KMT2E: variants seen among roughly 807,000 people sequenced by gnomAD.
KMT2E encodes lysine methyltransferase 2E (inactive).
In KMT2E, 30 loss-of-function variants were observed where a neutral mutation model predicts 184.6. The observed-to-expected ratio is 0.16, with a 90% confidence interval of 0.12 to 0.22. The LOEUF is 0.22. KMT2E is among the 10% of genes least tolerant of loss of function. The pLI is 1.00. For missense variants in KMT2E, 2,023 were observed against 2,237.4 expected, an observed-to-expected ratio of 0.90 and a Z score of 1.93; for synonymous variants, 815 against 776.5, an observed-to-expected ratio of 1.05 and a Z score of -0.82.
At chr7:105,087,095 T>C (rs1304808987) in intron 13 of KMT2E, among the ~76,000 whole-genome samples, 1 of 147,376 alleles carries the variant, frequency 6.8e-6, no homozygotes, top group Non-Finnish European at 1.5e-5. Flanking sequence ...GCGTATGTAA[T>C]ATACATTATA....
intron 1 of KMT2E, among the ~76,000 whole-genome samples, chr7:105,029,160 G>A (rs1033032765): frequency 6.6e-6 from 1 of 152,036 alleles, no homozygotes; most frequent in African/African-American, 2.4e-5. Context: ...CTACGTGGGA[G>A]GCTGAGTCAG....
chr7:105,083,589 ATAGAT>A (rs1394075700), intron 13 of KMT2E, among the ~76,000 whole-genome samples: 11 of 152,232 alleles, frequency 7.2e-5, no homozygotes, highest in African/African-American at 2.7e-4. Flanking sequence ...TAGCAGCTTT[ATAGAT>A]AAGGGCAGTC....
intron 4 of KMT2E, 151 bp downstream of exon 4, chr7:105,062,429 T>G: frequency 1.9e-6 from 1 of 530,048 alleles, no homozygotes; most frequent in Non-Finnish European, 3.3e-6. Context: ...CATTAACCAT[T>G]AAGCGATTAA....
rs1285023587 is a variant in KMT2E, at chr7:105,114,827, T to TAATC, written c.*1496_*1499dup. On this transcript the variant is annotated 3_prime_UTR_variant, in exon 27 of 27. Coordinates refer to ENST00000311117, the MANE Select transcript of KMT2E (RefSeq NM_182931.3). ...ACGCAGCTCACTTAGGGCTCAATCC[T>TAATC]AATCACAGCTTCAAATTTTAGAAGA... Among the ~76,000 whole-genome samples the TAATC allele has an allele frequency of 5.3e-5, 8 of 152,232 alleles. No homozygotes were observed. The highest frequency in any genetic ancestry group is 2.1e-4 in the South Asian group (1 of 4,834).
Position 105,105,840 on chromosome 7 carries a change from T to C in KMT2E, c.2452-19T>C. 6.2e-7 allele frequency: 1 copy of C among 1,602,616 alleles called. No individual in the cohort carries two copies. The highest frequency in any genetic ancestry group is 8.5e-7 in the Non-Finnish European group (1 of 1,175,920). On this transcript the variant is annotated intron_variant, in intron 18 of 26. Coordinates refer to ENST00000311117, the MANE Select transcript of KMT2E (RefSeq NM_182931.3). ...CTACAAAGTGATTCCTGTTCATTCA[T>C]GTATTCTGTTTTATTCAGCGATGGT... is the stretch of plus-strand genomic sequence containing the variant.
At position 105,110,555 on chromosome 7, in the gene KMT2E, A is replaced by AG. The variant is rs1385756185; in HGVS notation, c.3924dup (p.Leu1309ValfsTer4). On this transcript the variant is annotated frameshift_variant, in exon 25 of 27. Transcript: ENST00000311117. LOFTEE classifies it high-confidence loss of function. ...TCATCTCATTCAAATCACATACCCC[A>AG]GTTGCAAGCTAAGGGCCCAGTCCCT... 6.2e-7 allele frequency: 1 copy of AG among 1,614,030 alleles called. No individual in the cohort carries two copies. The highest frequency in any genetic ancestry group is 8.5e-7 in the Non-Finnish European group (1 of 1,180,004).
At chr7:105,072,179 G>A (rs1797348815) in intron 6 of KMT2E, among the ~76,000 whole-genome samples, 1 of 152,102 alleles carries the variant, frequency 6.6e-6, no homozygotes, top group African/African-American at 2.4e-5. Flanking sequence ...TTAGCCAGGT[G>A]TGGTGGCGGG....
chr7:105,021,535 A>G (rs1794952123), intron 1 of KMT2E, among the ~76,000 whole-genome samples: 1 of 152,196 alleles, frequency 6.6e-6, no homozygotes, highest in African/African-American at 2.4e-5. Context: ...CTATAGGGAA[A>G]TCTCACATAA....
intron 15 of KMT2E, among the ~76,000 whole-genome samples, chr7:105,098,095 C>G (rs1798493001): frequency 6.6e-6 from 1 of 152,112 alleles, no homozygotes; most frequent in South Asian, 2.1e-4. Flanking sequence ...TCTTACCCAT[C>G]TTTTTAGATT....
intron 1 of KMT2E, among the ~76,000 whole-genome samples, chr7:105,022,381 T>C (rs1452857662): frequency 6.6e-6 from 1 of 152,116 alleles, no homozygotes; most frequent in African/African-American, 2.4e-5. Context: ...TGCTCCTCAG[T>C]TTGGCTTGGT....
At chr7:105,110,676 T>C (rs1170044914) in intron 25 of KMT2E, 74 bp downstream of exon 25, 21 of 1,599,070 alleles carry the variant, frequency 1.3e-5, no homozygotes, top group Non-Finnish European at 1.8e-5. Flanking sequence ...TTATAAAAAG[T>C]TGGTTTGGAT....
In KMT2E at chr7:105,113,416, G is replaced by C; in HGVS notation, c.*83G>C. 1 of 1,381,822 alleles carries C rather than the reference G, an allele frequency of 7.2e-7. No individual in the cohort carries two copies. Among genetic ancestry groups the C allele is most frequent in the Non-Finnish European group, 9.7e-7 (1 of 1,035,858 alleles). 85.6% of individuals were successfully genotyped at this position (1,381,822 alleles called of 1,614,324 possible). A position where few individuals can be genotyped will look rare whatever the true frequency, so the allele number is the denominator to read the frequency against. ...TGTACCTGTTAAGGTACTTTTTAAAGCTTGTACATGAACCTTTGTATAAAA... is the reference window on the plus strand; with the variant it reads ...TGTACCTGTTAAGGTACTTTTTAAACCTTGTACATGAACCTTTGTATAAAA... On this transcript the variant is annotated 3_prime_UTR_variant, in exon 27 of 27. Transcript: ENST00000311117.
At chr7:105,076,630 C>A (rs1221798306) in intron 9 of KMT2E, among the ~76,000 whole-genome samples, 1 of 152,088 alleles carries the variant, frequency 6.6e-6, no homozygotes, top group African/African-American at 2.4e-5. Context: ...TCTGTCTGAC[C>A]CCAAAACATA....
chr7:105,039,985 T>C (rs1452891226), intron 2 of KMT2E, among the ~76,000 whole-genome samples: 9 of 150,926 alleles, frequency 6.0e-5, no homozygotes, highest in African/African-American at 2.2e-4. Flanking sequence ...TTAGTTGCTA[T>C]TGTAAATTTG....
At chr7:105,103,605 C>A (rs1256848672) in intron 17 of KMT2E, 2 of 152,076 alleles carry the variant, frequency 1.3e-5, no homozygotes, top group East Asian at 1.9e-4. Context: ...ACCCTCCTGG[C>A]AGTCTGGCTC....
chr7:105,101,396 T>G (rs1798651335), intron 15 of KMT2E, 29 bp from the exon 16 acceptor site: 1 of 1,456,352 alleles, frequency 6.9e-7, no homozygotes, highest in Non-Finnish European at 9.1e-7. Flanking sequence ...TTGATATTTA[T>G]GATGTCACTT....
intron 1 of KMT2E, among the ~76,000 whole-genome samples, chr7:105,014,972 C>T (rs1794650769): frequency 2.6e-5 from 4 of 152,154 alleles, no homozygotes; most frequent in African/African-American, 9.7e-5. Flanking sequence ...GCCCCATTTT[C>T]TTCTTCCATT....
chr7:105,114,526 G>A lies in KMT2E; in HGVS notation c.*1193G>A, dbSNP rs573748392. On this transcript the variant is annotated 3_prime_UTR_variant, in exon 27 of 27. Coordinates refer to ENST00000311117, the MANE Select transcript of KMT2E (RefSeq NM_182931.3). The stretch of plus-strand genomic sequence containing the variant: ...TTGCTAAAATATAAAATGCTAGTTA[G>A]TTATTAATTATTAATCTTCAAAAAA... Among the ~76,000 whole-genome samples the A allele has an allele frequency of 2.0e-5, 3 of 151,918 alleles. No homozygotes were observed. Among genetic ancestry groups the A allele is most frequent in the Non-Finnish European group, 4.4e-5 (3 of 67,936 alleles).
At chr7:105,081,022 C>CA (rs974052268) in intron 12 of KMT2E, among the ~76,000 whole-genome samples, 1 of 150,986 alleles carries the variant, frequency 6.6e-6, no homozygotes, top group South Asian at 2.1e-4. Flanking sequence ...ACAGCAACAA[C>CA]AAAAAACCCT....
Sources: allele counts gnomAD v4.1 joint callset (sites outside exome capture counted in the v4.1 genomes callset), GRCh38; gene constraint gnomAD v4.1.1; transcripts MANE v1.5; gene names NCBI Gene and HGNC (gene_info 2026-07-23, HGNC 2026-07-21).